ATP1B1: variants seen among roughly 807,000 people sequenced by gnomAD.
The protein encoded by ATP1B1 is ATPase Na+/K+ transporting subunit beta 1.
A neutral mutation model predicts 39.6 loss-of-function variants in ATP1B1; 3 were observed. The ratio of observed to expected loss-of-function variants is 0.08; its 90% CI spans 0.03 to 0.20. The LOEUF is 0.20. ATP1B1 is among the 10% of genes least tolerant of loss of function. The pLI is 1.00. For synonymous variants in ATP1B1, 139 were observed against 135.0 expected (o/e 1.03, Z -0.20); for missense variants, 216 against 371.1 (o/e 0.58, Z 3.43).
chr1:169,130,470 AGTG>A (rs1304815765), intron 5 of ATP1B1, among the ~76,000 whole-genome samples: 1 of 152,136 alleles, frequency 6.6e-6, no homozygotes, highest in Non-Finnish European at 1.5e-5. Context: ...CATAAAAATT[AGTG>A]GTTTGGGCTT....
chr1:169,111,234 A>T lies in ATP1B1; in HGVS notation c.98-136A>T, dbSNP rs1023737329. The T allele has an allele frequency of 3.0e-5, 36 of 1,199,094 alleles. No individual in the cohort carries two copies. In the East Asian group the frequency reaches 7.7e-4, roughly 26 times the overall value. 74.3% of individuals were successfully genotyped at this position (1,199,094 alleles called of 1,614,324 possible). A position where few individuals can be genotyped will look rare whatever the true frequency, so the allele number is the denominator to read the frequency against. ...ACCCTGTGTCAGTGGGGTGAGGTGC[A>T]CTCTTGACGTTGGACAAGGAAGAAA... On this transcript the variant is annotated intron_variant, in intron 1 of 5. Transcript: ENST00000367815.
At chr1:169,128,959 C>G (rs1433356597) in intron 4 of ATP1B1, among the ~76,000 whole-genome samples, 1 of 152,162 alleles carries the variant, frequency 6.6e-6, no homozygotes, top group Non-Finnish European at 1.5e-5. Context: ...ACCCAAATCT[C>G]CAACTATTTT....
Position 169,132,469 on chromosome 1 carries a change from G to T in ATP1B1, c.*914G>T. On this transcript the variant is annotated 3_prime_UTR_variant, in exon 6 of 6. Transcript: ENST00000367815. ...GGTGGAAGAATTTTATATTTATGCAGTTGTACAATTTTATTTTTTTCTGCA... is the reference window on the plus strand; with the variant it reads ...GGTGGAAGAATTTTATATTTATGCATTTGTACAATTTTATTTTTTTCTGCA... The T allele has an allele frequency of 2.3e-6, 1 of 429,424 alleles. No individual in the cohort carries two copies. Among genetic ancestry groups the T allele is most frequent in the South Asian group, 8.1e-5 (1 of 12,402 alleles). 26.6% of individuals were successfully genotyped at this position (429,424 alleles called of 1,614,324 possible).
chr1:169,117,577 G>GAA (rs146100522), intron 2 of ATP1B1, among the ~76,000 whole-genome samples: 1 of 148,390 alleles, frequency 6.7e-6, no homozygotes, highest in African/African-American at 2.5e-5. Flanking sequence ...GATGGTGGGG[G>GAA]AAAAAAAAAA....
intron 2 of ATP1B1, among the ~76,000 whole-genome samples, chr1:169,113,544 A>G (rs1657770799): frequency 6.6e-6 from 1 of 152,224 alleles, no homozygotes; most frequent in Non-Finnish European, 1.5e-5. Context: ...AGGAAAATTT[A>G]ACTTTGGAAA....
intron 2 of ATP1B1, among the ~76,000 whole-genome samples, chr1:169,122,746 ATTTTTTT>A (rs753882699): frequency 6.1e-5 from 5 of 82,378 alleles, no homozygotes; most frequent in East Asian, 2.6e-4. Flanking sequence ...TTTCAGGATG[ATTTTTTT>A]TTTTTTTTTT....
At chr1:169,111,653 G>A (rs1657734145) in intron 2 of ATP1B1, among the ~76,000 whole-genome samples, 155 bp downstream of exon 2, 1 of 152,210 alleles carries the variant, frequency 6.6e-6, no homozygotes, top group Admixed American at 6.5e-5. Flanking sequence ...GCAGCCAGAT[G>A]TCCTACCCGC....
At chr1:169,117,063 T>C (rs1296193075) in intron 2 of ATP1B1, among the ~76,000 whole-genome samples, 1 of 152,174 alleles carries the variant, frequency 6.6e-6, no homozygotes. Flanking sequence ...ATTAGAAACA[T>C]TTGGCTTCCT....
intron 1 of ATP1B1, among the ~76,000 whole-genome samples, chr1:169,110,237 C>T (rs1657698165): frequency 6.6e-6 from 1 of 151,918 alleles, no homozygotes; most frequent in South Asian, 2.1e-4. Flanking sequence ...AGTTGTGTAC[C>T]CACTCCCTCC....
Position 169,127,472 on chromosome 1 carries a change from G to A in ATP1B1, c.567+64G>A, listed in dbSNP as rs953335587. The A allele has an allele frequency of 4.0e-6, 6 of 1,506,704 alleles. No individual in the cohort carries two copies. In the African/African-American group the frequency reaches 8.5e-5, roughly 21 times the overall value. The allele number at this position is 1,506,704 out of a possible 1,614,324, so 93.3% of individuals were successfully genotyped here. On this transcript the variant is annotated intron_variant, in intron 4 of 5. Transcript: ENST00000367815. Reference sequence around the variant, plus strand: ...TTTACACTAAGTACTTAATTGATCTGAGAAGACAATGTAAGATAGTTTTAA... The same window carrying A: ...TTTACACTAAGTACTTAATTGATCTAAGAAGACAATGTAAGATAGTTTTAA...
At position 169,106,755 on chromosome 1, in the gene ATP1B1, G is replaced by A. The variant is rs1657599456; in HGVS notation, c.-75G>A. The A allele has an allele frequency of 3.3e-6, 4 of 1,226,672 alleles. No homozygotes were observed. In the African/African-American group the frequency reaches 6.4e-5, roughly 20 times the overall value. 76.0% of individuals were successfully genotyped at this position (1,226,672 alleles called of 1,614,324 possible). A position where few individuals can be genotyped will look rare whatever the true frequency, so the allele number is the denominator to read the frequency against. ...GAGAGCCAGGCCGGAGAAGCCGAGC[G>A]GCGCAGAGGACGCCAGGGCGCGCGC... On this transcript the variant is annotated 5_prime_UTR_variant, in exon 1 of 6. Transcript: ENST00000367815.
chr1:169,125,927 A>G (rs971201335), intron 3 of ATP1B1, among the ~76,000 whole-genome samples: 2 of 152,162 alleles, frequency 1.3e-5, no homozygotes, highest in African/African-American at 4.8e-5. Flanking sequence ...ATAAGCCATG[A>G]TCACGCCACA....
intron 4 of ATP1B1, among the ~76,000 whole-genome samples, chr1:169,128,544 C>T (rs1658134345): frequency 6.6e-6 from 1 of 152,138 alleles, no homozygotes; most frequent in Non-Finnish European, 1.5e-5. Flanking sequence ...AATTAATGTA[C>T]CTCTCAAAAG....
intron 3 of ATP1B1, among the ~76,000 whole-genome samples, chr1:169,125,817 TAAGAC>T (rs1216572992): frequency 4.0e-5 from 6 of 151,870 alleles, no homozygotes; most frequent in East Asian, 1.9e-4. Flanking sequence ...CTACAAAAAA[TAAGAC>T]AAGTTAGCTG....
intron 2 of ATP1B1, among the ~76,000 whole-genome samples, chr1:169,115,137 A>T (rs1273265947): frequency 4.1e-5 from 6 of 145,204 alleles, no homozygotes; most frequent in African/African-American, 1.5e-4. Flanking sequence ...GTGAGCCGAA[A>T]TTGTGCCATT....
intron 2 of ATP1B1, 54 bp from the exon 3 acceptor site, chr1:169,124,830 G>T: frequency 6.3e-7 from 1 of 1,576,376 alleles, no homozygotes; most frequent in South Asian, 1.1e-5. Flanking sequence ...GTCTACTTTT[G>T]AATTGTCTTC....
At chr1:169,109,456 CTCTCCCAGTGA>C (rs1657681730) in intron 1 of ATP1B1, among the ~76,000 whole-genome samples, 1 of 135,108 alleles carries the variant, frequency 7.4e-6, no homozygotes, top group South Asian at 2.8e-4. Flanking sequence ...GTGCTCCACT[CTCTCCCAGTGA>C]CCTCACGGCA....
chr1:169,122,907 T>C (rs1468140035), intron 2 of ATP1B1, among the ~76,000 whole-genome samples: 2 of 152,156 alleles, frequency 1.3e-5, no homozygotes, highest in East Asian at 1.9e-4. Context: ...TGATTGTTAA[T>C]GTCCTTAAGT....
In ATP1B1 at chr1:169,125,038, C is replaced by A. The variant is rs146260113; in HGVS notation, c.381C>A (p.Gly127=). ...QRDDMIFEDC[G]DVPSEPKERG... is the part of the protein sequence containing the mutation. Reference sequence around the variant, plus strand: ...ATGACATGATTTTTGAAGATTGTGGCGGTAAGTAGACTCATTGTAGATGTC... The same window carrying A: ...ATGACATGATTTTTGAAGATTGTGGAGGTAAGTAGACTCATTGTAGATGTC... The change falls in exon 3 of 6, where the codon GGC becomes GGA. Residue 127 remains glycine, a splice_region_variant and synonymous_variant. Coordinates refer to ENST00000367815, the MANE Select transcript of ATP1B1 (RefSeq NM_001677.4). 1 of 1,609,894 alleles carries A rather than the reference C, an allele frequency of 6.2e-7. No homozygotes were observed. The highest frequency in any genetic ancestry group is 8.5e-7 in the Non-Finnish European group (1 of 1,178,478).
Sources: gnomAD v4.1 joint callset for allele counts (sites outside exome capture counted in the v4.1 genomes callset) on GRCh38, gnomAD v4.1.1 for gene constraint, MANE v1.5 for transcripts, NCBI Gene and HGNC (gene_info 2026-07-23, HGNC 2026-07-21) for gene names.